ECHS1: variants seen among roughly 807,000 people sequenced by gnomAD.
ECHS1 encodes the protein enoyl-CoA hydratase, short chain 1, also known as enoyl-CoA hydratase, mitochondrial.
In ECHS1, 19 loss-of-function variants were observed where a neutral mutation model predicts 33.5. That is an observed-to-expected ratio of 0.57 (90% CI 0.40 to 0.83). The LOEUF (loss-of-function observed/expected upper bound fraction) is 0.83, where lower values mean the gene tolerates loss of function less well. Ranked by LOEUF, ECHS1 falls within the 40% of genes least tolerant of loss-of-function variation. ECHS1 has a pLI of 0.00. For missense variants in ECHS1, 365 were observed against 381.3 expected (o/e 0.96, Z 0.36); for synonymous variants, 158 against 146.6 (o/e 1.08, Z -0.56).
At chr10:133,370,434 T>C in intron 2 of ECHS1, 126 bp downstream of exon 2, 1 of 1,076,108 alleles carries the variant, frequency 9.3e-7, no homozygotes, top group East Asian at 2.7e-5. Context: ...CACTCGATAT[T>C]TGAGGAAGTC....
chr10:133,364,774 C>G, intron 6 of ECHS1, 49 bp from the exon 7 acceptor site: 1 of 1,487,482 alleles, frequency 6.7e-7, no homozygotes, highest in African/African-American at 1.4e-5. Flanking sequence ...ACATGCAGAA[C>G]TTTTCCTGCA....
At chr10:133,370,464 C>T in intron 2 of ECHS1, 96 bp downstream of exon 2, 1 of 1,279,134 alleles carries the variant, frequency 7.8e-7, no homozygotes, top group Non-Finnish European at 1.0e-6. Context: ...ATGCCTCTGC[C>T]ATCACAGAGG....
At chr10:133,369,340 A>T (rs1467967032) in intron 3 of ECHS1, among the ~76,000 whole-genome samples, 1 of 151,214 alleles carries the variant, frequency 6.6e-6, no homozygotes, top group Non-Finnish European at 1.5e-5. Flanking sequence ...TGCCGGGAAA[A>T]CTCCATCCGC....
chr10:133,369,944 TG>T lies in ECHS1; in HGVS notation c.373del (p.Gln125ArgfsTer23). 4 of 1,613,856 alleles carry T rather than the reference TG, an allele frequency of 2.5e-6. No individual in the cohort carries two copies. Among genetic ancestry groups the T allele is most frequent in the Non-Finnish European group, 3.4e-6 (4 of 1,179,980 alleles). ...AGCAGCGATGACTGGCTTCTTGACC[TG>T]GGTGAGGTGGTCCCAGTGCTTCAAG... ...KFLKHWDHLT[Q>X]VKKPVIAAVN... is the part of the protein sequence containing the mutation. On this transcript the variant is annotated frameshift_variant, in exon 3 of 8. Transcript: ENST00000368547. LOFTEE classifies it high-confidence loss of function.
At chr10:133,368,869 A>C in intron 4 of ECHS1, 54 bp downstream of exon 4, 1 of 1,537,868 alleles carries the variant, frequency 6.5e-7, no homozygotes. Flanking sequence ...AGACACAGGC[A>C]GATTTTGAGT....
intron 5 of ECHS1, 86 bp from the exon 6 acceptor site, chr10:133,366,181 T>C (rs1849026661): frequency 2.0e-6 from 3 of 1,506,786 alleles, no homozygotes; most frequent in Admixed American, 1.9e-5. Context: ...GGGAGCAGCG[T>C]GGCTGGAGCA....
intron 2 of ECHS1, 75 bp downstream of exon 2, chr10:133,370,485 T>C: frequency 7.1e-7 from 1 of 1,401,596 alleles, no homozygotes; most frequent in Non-Finnish European, 9.4e-7. Context: ...CGCAAATCTG[T>C]CTGGAGGCTT....
intron 3 of ECHS1, 80 bp from the exon 4 acceptor site, chr10:133,369,102 C>A: frequency 2.9e-6 from 4 of 1,381,484 alleles, no homozygotes; most frequent in Admixed American, 1.9e-5. Flanking sequence ...TCAAATTTTC[C>A]ATTTAAAAGA....
rs1219241101 is a variant in ECHS1 at position 133,370,038 on chromosome 10, G to A, written c.287-7C>T. 6.2e-7 allele frequency: 1 copy of A among 1,613,594 alleles called. No homozygotes were observed. On this transcript the variant is annotated splice_region_variant and splice_polypyrimidine_tract_variant and intron_variant, in intron 2 of 7. Coordinates refer to ENST00000368547, the MANE Select transcript of ECHS1 (RefSeq NM_004092.4). ...TCCTTGATATCAGCTCCAGCTAGCAGGAGTGGAAAGGAGGTTCCAGTTACC... is the reference window on the plus strand; with the variant it reads ...TCCTTGATATCAGCTCCAGCTAGCAAGAGTGGAAAGGAGGTTCCAGTTACC...
chr10:133,363,055 G>C, intron 7 of ECHS1, 122 bp from the exon 8 acceptor site: 1 of 1,164,440 alleles, frequency 8.6e-7, no homozygotes, highest in Non-Finnish European at 1.3e-6. Flanking sequence ...CCAGGGGGCC[G>C]GGGAGGGGAC....
chr10:133,372,624 G>A (rs942163744), intron 1 of ECHS1, among the ~76,000 whole-genome samples: 3 of 151,882 alleles, frequency 2.0e-5, no homozygotes, highest in African/African-American at 4.8e-5. Context: ...CCAGCCAGCC[G>A]CCGGGCCTCC....
intron 4 of ECHS1, 27 bp from the exon 5 acceptor site, chr10:133,367,020 G>A (rs1173555886): frequency 6.4e-7 from 1 of 1,569,640 alleles, no homozygotes; most frequent in Non-Finnish European, 8.7e-7. Flanking sequence ...GTCATGGCTG[G>A]CACTGTGATG....
intron 6 of ECHS1, among the ~76,000 whole-genome samples, chr10:133,365,213 C>T (rs1034415245): frequency 2.0e-5 from 3 of 152,220 alleles, no homozygotes; most frequent in Admixed American, 2.0e-4. Flanking sequence ...CGCTGTGGCT[C>T]CAGGGCTGGT....
chr10:133,367,387 A>C (rs1176695267), intron 4 of ECHS1, among the ~76,000 whole-genome samples: 2 of 148,608 alleles, frequency 1.3e-5, no homozygotes, highest in Non-Finnish European at 2.9e-5. Flanking sequence ...TTGTTGTATT[A>C]CTAATATAAC....
At chr10:133,367,215 T>C (rs544766348) in intron 4 of ECHS1, among the ~76,000 whole-genome samples, 8 of 152,168 alleles carry the variant, frequency 5.3e-5, no homozygotes, top group South Asian at 2.1e-4. Context: ...AAGGATTACC[T>C]AGGTGCCGAG....
At chr10:133,366,597 G>A (rs1849034178) in intron 5 of ECHS1, among the ~76,000 whole-genome samples, 2 of 151,504 alleles carry the variant, frequency 1.3e-5, no homozygotes, top group African/African-American at 2.4e-5. Flanking sequence ...GCTGCCCGGG[G>A]TTTCTGTGGG....
intron 3 of ECHS1, among the ~76,000 whole-genome samples, chr10:133,369,518 G>A (rs914064441): frequency 1.4e-4 from 3 of 21,950 alleles, no homozygotes; most frequent in Non-Finnish European, 3.4e-4. Flanking sequence ...TGGCTTACAC[G>A]GCAGGGAGCG....
At chr10:133,368,818 T>A in intron 4 of ECHS1, 105 bp downstream of exon 4, 1 of 1,066,838 alleles carries the variant, frequency 9.4e-7, no homozygotes, top group Non-Finnish European at 1.4e-6. Flanking sequence ...CATGGGGCTG[T>A]CCATCCAGGG....
intron 7 of ECHS1, 46 bp from the exon 8 acceptor site, chr10:133,362,979 CACAG>C: frequency 6.2e-7 from 1 of 1,603,570 alleles, no homozygotes; most frequent in Non-Finnish European, 8.5e-7. Flanking sequence ...GCAGTATCCT[CACAG>C]AGCCTGATGC....
Sources: gnomAD v4.1 joint callset for allele counts (sites outside exome capture counted in the v4.1 genomes callset) on GRCh38, gnomAD v4.1.1 for gene constraint, MANE v1.5 for transcripts, NCBI Gene and HGNC (gene_info 2026-07-23, HGNC 2026-07-21) for gene names.